SMC6: variants seen among roughly 807,000 people sequenced by gnomAD.
SMC6 encodes structural maintenance of chromosomes protein 6.
A neutral mutation model predicts 142.2 loss-of-function variants in SMC6; 79 were observed. The ratio of observed to expected loss-of-function variants is 0.56; its 90% CI spans 0.46 to 0.67. The LOEUF (loss-of-function observed/expected upper bound fraction) is 0.67. Ranked by LOEUF, SMC6 falls within the 30% of genes least tolerant of loss-of-function variation. The probability of loss-of-function intolerance (pLI) is 0.00; values close to 1 mark genes in which losing one functional copy is unlikely to be tolerated. For synonymous variants in SMC6, 411 were observed against 412.4 expected, an observed-to-expected ratio of 1.00 and a Z score of 0.04; for missense variants, 1,072 against 1,284.0, an observed-to-expected ratio of 0.83 and a Z score of 2.52.
chr2:17,721,818 C>A (rs577605129), intron 9 of SMC6, among the ~76,000 whole-genome samples: 1 of 152,098 alleles, frequency 6.6e-6, no homozygotes, highest in East Asian at 1.9e-4. Context: ...GCCTCAGCCT[C>A]CCAAGTAGCT....
At chr2:17,698,170 G>A (rs1668099725) in intron 21 of SMC6, among the ~76,000 whole-genome samples, 3 of 151,892 alleles carry the variant, frequency 2.0e-5, no homozygotes, top group Non-Finnish European at 4.4e-5. Context: ...ATCAGTACGG[G>A]TTTCTTTATT....
intron 13 of SMC6, 37 bp downstream of exon 13, chr2:17,717,051 T>C (rs367891762): frequency 5.9e-4 from 931 of 1,580,776 alleles, no homozygotes; most frequent in Admixed American, 7.9e-4. Flanking sequence ...TATTACAAAA[T>C]GGGATAGCCA....
Position 17,718,213 on chromosome 2 carries a change from T to C in SMC6, c.956A>G (p.Asn319Ser). The C allele has an allele frequency of 1.3e-6, 2 of 1,598,702 alleles. No homozygotes were observed. Among genetic ancestry groups the C allele is most frequent in the Admixed American group, 1.7e-5 (1 of 58,514 alleles). The change falls in exon 12 of 28, where the codon AAT (asparagine) becomes AGT (serine). Residue 319 changes from asparagine to serine, a missense_variant. Transcript: ENST00000448223. ...RKMEEQQVRL[N>S]EAEQKYKDIQ... ...ATCCTTGTACTTTTGTTCTGCCTCA[T>C]TAAGTCTGACCTTTAAGAAAATAAC...
At chr2:17,705,621 C>A (rs1178168999) in intron 18 of SMC6, among the ~76,000 whole-genome samples, 1 of 151,984 alleles carries the variant, frequency 6.6e-6, no homozygotes, top group Non-Finnish European at 1.5e-5. Flanking sequence ...ACAGCCTAAG[C>A]CAAAAATGAA....
chr2:17,667,574 G>A (rs1018520977), intron 26 of SMC6, among the ~76,000 whole-genome samples: 6 of 152,186 alleles, frequency 3.9e-5, no homozygotes, highest in Admixed American at 6.5e-5. Context: ...GTGGTGCCGG[G>A]CGCAGCAGCT....
rs1333883088 is a variant in SMC6, at chr2:17,693,366, T to TA, written c.2678+1785dup. Among the ~76,000 whole-genome samples, 7 of 152,116 alleles carry TA rather than the reference T, an allele frequency of 4.6e-5. No individual in the cohort carries two copies. The South Asian group carries it at 1.0e-3, about 23-fold the overall frequency. Reference sequence around the variant, plus strand: ...TACACCATGGAATACTATGCAGCCATAAAAAATGACGAGTTCATGTCCTTT... The same window carrying TA: ...TACACCATGGAATACTATGCAGCCATAAAAAAATGACGAGTTCATGTCCTTT... On this transcript the variant is annotated intron_variant, in intron 23 of 27. Transcript: ENST00000448223.
Position 17,695,162 on chromosome 2 carries a change from C to G in SMC6, c.2668G>C (p.Glu890Gln). Residue 890 changes from glutamate to glutamine, a missense_variant, in exon 23 of 28, where the codon GAA becomes CAA. Transcript: ENST00000448223. Reference sequence around the variant, plus strand: ...CTACCAGCTACTTACCTCATTATTTCCTCTCGATCTCCATGACTAGCATGT... The same window carrying G: ...CTACCAGCTACTTACCTCATTATTTGCTCTCGATCTCCATGACTAGCATGT... ...AEHASHGDRE[E>Q]IMRQYQEARE... 2 of 1,613,182 alleles carry G rather than the reference C, an allele frequency of 1.2e-6. No individual in the cohort carries two copies. The highest frequency in any genetic ancestry group is 1.7e-6 in the Non-Finnish European group (2 of 1,179,722).
chr2:17,664,842 G>C lies in SMC6; in HGVS notation c.*657C>G, dbSNP rs1240012209. ...TCTCAGCTGAGGACAAGCCTGAACA[G>C]TCCCTGGACTGCAAACTGAGGGCTT... On this transcript the variant is annotated 3_prime_UTR_variant, in exon 28 of 28. Coordinates refer to ENST00000448223, the MANE Select transcript of SMC6 (RefSeq NM_001142286.2). 6.6e-6 allele frequency: 1 copy of C among 152,342 alleles called. No homozygotes were observed. Among genetic ancestry groups the C allele is most frequent in the African/African-American group, 2.4e-5 (1 of 41,462 alleles). The allele number at this position is 152,342 out of a possible 1,614,324, so 9.4% of individuals were successfully genotyped here.
At position 17,715,074 on chromosome 2, in the gene SMC6, G is replaced by C. The variant is rs187117949; in HGVS notation, c.1526-9C>G. ...AAGATGAATGCAAGCTCCTAAAAGT[G>C]AGAGAAAATTACAGAAGGGCTCATA... On this transcript the variant is annotated splice_polypyrimidine_tract_variant and intron_variant, in intron 15 of 27. Coordinates refer to ENST00000448223, the MANE Select transcript of SMC6 (RefSeq NM_001142286.2). 1 of 1,609,552 alleles carries C rather than the reference G, an allele frequency of 6.2e-7. No individual in the cohort carries two copies. Among genetic ancestry groups the C allele is most frequent in the Non-Finnish European group, 8.5e-7 (1 of 1,179,036 alleles).
At chr2:17,745,777 G>A (rs750163963) in intron 3 of SMC6, 50 bp downstream of exon 3, 5 of 1,536,042 alleles carry the variant, frequency 3.3e-6, no homozygotes, top group South Asian at 2.5e-5. Context: ...TATGATGAAT[G>A]TTACAAGAAA....
At chr2:17,686,871 T>C (rs1667479543) in intron 23 of SMC6, among the ~76,000 whole-genome samples, 1 of 152,352 alleles carries the variant, frequency 6.6e-6, no homozygotes, top group East Asian at 1.9e-4. Context: ...CACTTTCTGA[T>C]GATTCAATGT....
chr2:17,742,721 T>C (rs1223018345), intron 3 of SMC6, among the ~76,000 whole-genome samples: 1 of 152,190 alleles, frequency 6.6e-6, no homozygotes, highest in Non-Finnish European at 1.5e-5. Flanking sequence ...GAAATCATGG[T>C]TGACGAATTT....
chr2:17,704,163 T>C (rs144046011), intron 18 of SMC6, among the ~76,000 whole-genome samples: 351 of 151,784 alleles, frequency 2.3e-3, no homozygotes, highest in African/African-American at 8.2e-3. Context: ...AGATTATATA[T>C]CCATAGTACT....
rs528228740 is a variant in SMC6, at chr2:17,720,378, A to G, written c.945+562T>C. Among the ~76,000 whole-genome samples, 5 of 152,164 alleles carry G rather than the reference A, an allele frequency of 3.3e-5. No individual in the cohort carries two copies. The South Asian group carries it at 1.0e-3, about 32-fold the overall frequency. On this transcript the variant is annotated intron_variant, in intron 11 of 27. Transcript: ENST00000448223. ...TTTAGATAGGGTAGTTTCTACCTGC[A>G]CTCTTAGATGTCAGGCTGAAATTAA...
rs1666392501 is a variant in SMC6 at position 17,664,132 on chromosome 2, A to T, written c.*1367T>A. 6.6e-6 allele frequency: 1 copy of T among 152,260 alleles called. No homozygotes were observed. The highest frequency in any genetic ancestry group is 6.5e-5 in the Admixed American group (1 of 15,284). The allele number at this position is 152,260 out of a possible 1,614,324, so 9.4% of individuals were successfully genotyped here. ...ATTTGGTATACTCTACTTCATTTTT[A>T]ATTTGGAAAAGCACATGTTAAAAAT... On this transcript the variant is annotated 3_prime_UTR_variant, in exon 28 of 28. Transcript: ENST00000448223.
intron 16 of SMC6, among the ~76,000 whole-genome samples, chr2:17,709,719 A>G (rs370722479): frequency 6.6e-6 from 1 of 152,144 alleles, no homozygotes; most frequent in Admixed American, 6.5e-5. Context: ...GACAGAGAAT[A>G]AAGAAAAAGA....
chr2:17,691,369 T>C (rs1667715858), intron 23 of SMC6, among the ~76,000 whole-genome samples: 2 of 148,066 alleles, frequency 1.4e-5, no homozygotes, highest in South Asian at 4.4e-4. Flanking sequence ...TGTGTGTGTA[T>C]ACACATTTTT....
At chr2:17,747,012 G>A (rs1670785380) in intron 2 of SMC6, among the ~76,000 whole-genome samples, 1 of 152,108 alleles carries the variant, frequency 6.6e-6, no homozygotes, top group South Asian at 2.1e-4. Context: ...TGGGTAGTCT[G>A]GACTTCCACC....
chr2:17,691,534 T>C (rs143683341), intron 23 of SMC6, among the ~76,000 whole-genome samples: 1 of 151,146 alleles, frequency 6.6e-6, no homozygotes, highest in African/African-American at 2.4e-5. Flanking sequence ...CTAAAAACTC[T>C]CAATAAATTA....
Sources: allele counts gnomAD v4.1 joint callset (sites outside exome capture counted in the v4.1 genomes callset), GRCh38; gene constraint gnomAD v4.1.1; transcripts MANE v1.5; gene names NCBI Gene and HGNC (gene_info 2026-07-23, HGNC 2026-07-21).